DLC1: variants seen among roughly 807,000 people sequenced by gnomAD.
DLC1 encodes the protein rho GTPase-activating protein 7.
DLC1 carries 54 observed loss-of-function variants against 140.3 expected under a neutral mutation model. That is an observed-to-expected ratio of 0.38 (90% CI 0.31 to 0.48). The LOEUF (loss-of-function observed/expected upper bound fraction) is 0.48. Ranked by LOEUF, DLC1 falls within the 20% of genes least tolerant of loss-of-function variation. DLC1 has a pLI of 0.96. For synonymous variants in DLC1, 986 were observed against 728.1 expected, an observed-to-expected ratio of 1.35 and a Z score of -5.70; for missense variants, 2,536 against 1,907.0, an observed-to-expected ratio of 1.33 and a Z score of -6.14.
At chr8:13,477,392 G>A (rs1254409200) in intron 2 of DLC1, among the ~76,000 whole-genome samples, 2 of 152,156 alleles carry the variant, frequency 1.3e-5, no homozygotes. Context: ...GAAGCAGTAA[G>A]AGCCCGTGGG....
At chr8:13,350,655 G>T (rs1043395699) in intron 4 of DLC1, among the ~76,000 whole-genome samples, 3 of 152,112 alleles carry the variant, frequency 2.0e-5, no homozygotes, top group Non-Finnish European at 4.4e-5. Context: ...GGCGGAGGTT[G>T]CAGTGAGCCT....
chr8:13,289,648 G>C (rs546468506), intron 5 of DLC1, among the ~76,000 whole-genome samples: 41 of 152,286 alleles, frequency 2.7e-4, no homozygotes, highest in African/African-American at 9.6e-4. Flanking sequence ...CCTTTTATGT[G>C]GGTGCTTGGT....
At chr8:13,434,374 A>G (rs1839020542) in intron 2 of DLC1, among the ~76,000 whole-genome samples, 1 of 152,190 alleles carries the variant, frequency 6.6e-6, no homozygotes, top group South Asian at 2.1e-4. Context: ...TATGAAGAAA[A>G]CCAGTAATTT....
intron 2 of DLC1, among the ~76,000 whole-genome samples, chr8:13,402,265 T>C (rs1837332529): frequency 6.6e-6 from 1 of 152,242 alleles, no homozygotes; most frequent in African/African-American, 2.4e-5. Context: ...TTCTCAGTTC[T>C]CTGTACTACA....
chr8:13,386,399 G>A (rs182130609), intron 4 of DLC1, among the ~76,000 whole-genome samples: 4 of 152,100 alleles, frequency 2.6e-5, no homozygotes, highest in African/African-American at 9.6e-5. Context: ...TAAGTATCAT[G>A]TGTTCAGAGC....
At chr8:13,240,425 T>A (rs1829493083) in intron 5 of DLC1, among the ~76,000 whole-genome samples, 1 of 152,174 alleles carries the variant, frequency 6.6e-6, no homozygotes, top group East Asian at 1.9e-4. Context: ...TACACATATA[T>A]GTACATTTTC....
chr8:13,422,483 T>G lies in DLC1; in HGVS notation c.1024-20864A>C, dbSNP rs543315219. On this transcript the variant is annotated intron_variant, in intron 2 of 17. Transcript: ENST00000276297. The stretch of plus-strand genomic sequence containing the variant: ...AATGATTGGCTTCCTAGGTTTTGAC[T>G]GCAGGAGTGGGGAGCTGGAGAGAAG... 7.1e-4 allele frequency among the ~76,000 whole-genome samples: 108 copies of G among 152,138 alleles called. No individual in the cohort carries two copies. The Middle Eastern group carries it at 0.01, about 14-fold the overall frequency.
At chr8:13,551,075 C>CT (rs1554542231) in intron 1 of DLC1, among the ~76,000 whole-genome samples, 4 of 121,718 alleles carry the variant, frequency 3.3e-5, no homozygotes, top group South Asian at 2.9e-4. Flanking sequence ...CACACACACA[C>CT]TTTTTTTTTT....
At chr8:13,398,541 G>A (rs1433602247) in intron 3 of DLC1, among the ~76,000 whole-genome samples, 2 of 145,376 alleles carry the variant, frequency 1.4e-5, no homozygotes, top group Non-Finnish European at 3.0e-5. Context: ...GAGGTGTGAA[G>A]ATTGCTTGAG....
intron 4 of DLC1, among the ~76,000 whole-genome samples, chr8:13,318,758 C>A (rs769849655): frequency 3.0e-4 from 46 of 152,316 alleles, no homozygotes; most frequent in Middle Eastern, 6.8e-3. Context: ...CAAAGGTAAG[C>A]CATGGACACA....
At chr8:13,205,278 C>A (rs1452089489) in intron 5 of DLC1, among the ~76,000 whole-genome samples, 3 of 152,112 alleles carry the variant, frequency 2.0e-5, no homozygotes, top group Non-Finnish European at 4.4e-5. Flanking sequence ...GCAAGATGAT[C>A]CATTGGAGAA....
intron 7 of DLC1, among the ~76,000 whole-genome samples, chr8:13,107,777 C>G (rs1344342057): frequency 6.6e-6 from 1 of 152,132 alleles, no homozygotes; most frequent in Non-Finnish European, 1.5e-5. Flanking sequence ...GCTGGCTGGT[C>G]GCGGTGGCTC....
At chr8:13,425,141 T>A (rs144474662) in intron 2 of DLC1, among the ~76,000 whole-genome samples, 65 of 151,728 alleles carry the variant, frequency 4.3e-4, no homozygotes, top group Non-Finnish European at 7.2e-4. Flanking sequence ...AAAAGGGTCA[T>A]TATCTCTCAG....
intron 2 of DLC1, among the ~76,000 whole-genome samples, chr8:13,435,545 C>G (rs1839081008): frequency 1.3e-5 from 2 of 152,116 alleles, no homozygotes; most frequent in Non-Finnish European, 2.9e-5. Flanking sequence ...AACTCCTGAC[C>G]TCAGGTGATC....
At chr8:13,433,889 C>A (rs1489253742) in intron 2 of DLC1, among the ~76,000 whole-genome samples, 1 of 152,164 alleles carries the variant, frequency 6.6e-6, no homozygotes, top group Non-Finnish European at 1.5e-5. Flanking sequence ...GAGTTTCACT[C>A]TTGTTGCCCA....
intron 1 of DLC1, among the ~76,000 whole-genome samples, chr8:13,603,162 A>G (rs945248283): frequency 2.0e-5 from 3 of 151,892 alleles, no homozygotes; most frequent in Admixed American, 2.0e-4. Flanking sequence ...GTCACACGGA[A>G]TAATAATGCT....
At chr8:13,109,224 C>T (rs1411810606) in intron 7 of DLC1, among the ~76,000 whole-genome samples, 2 of 152,072 alleles carry the variant, frequency 1.3e-5, no homozygotes, top group Admixed American at 6.6e-5. Context: ...GAAAGAAATA[C>T]TGGGTGTCAT....
At chr8:13,563,237 CA>C (rs1228524488) in intron 1 of DLC1, among the ~76,000 whole-genome samples, 1 of 151,990 alleles carries the variant, frequency 6.6e-6, no homozygotes, top group African/African-American at 2.4e-5. Flanking sequence ...CTTCAACTTG[CA>C]AAAAGGCATT....
chr8:13,602,507 A>T (rs1393741480), intron 1 of DLC1, among the ~76,000 whole-genome samples: 1 of 151,872 alleles, frequency 6.6e-6, no homozygotes, highest in East Asian at 1.9e-4. Context: ...ATATTTACAA[A>T]TAAAATGACA....
Sources: allele counts gnomAD v4.1 joint callset (sites outside exome capture counted in the v4.1 genomes callset), GRCh38; gene constraint gnomAD v4.1.1; transcripts MANE v1.5; gene names NCBI Gene and HGNC (gene_info 2026-07-23, HGNC 2026-07-21).